The following SNX1 variants were observed in gnomAD, a reference collection of about 807,000 sequenced individuals.
The protein encoded by SNX1 is sorting nexin-1.
In SNX1, 36 loss-of-function variants were observed where a neutral mutation model predicts 71.8. That is an observed-to-expected ratio of 0.50 (90% CI 0.38 to 0.66). The LOEUF is 0.66. Ranked by LOEUF, SNX1 falls within the 30% of genes least tolerant of loss-of-function variation. SNX1 has a pLI of 0.00. For synonymous variants in SNX1, 254 were observed against 240.7 expected, an observed-to-expected ratio of 1.06 and a Z score of -0.51; for missense variants, 612 against 646.7, an observed-to-expected ratio of 0.95 and a Z score of 0.58.
chr15:64,099,191 G>A (rs1424859885), intron 1 of SNX1, among the ~76,000 whole-genome samples: 2 of 152,136 alleles, frequency 1.3e-5, no homozygotes, highest in Admixed American at 6.5e-5. Flanking sequence ...CTCTATGGCT[G>A]GCTAGCTTAT....
Position 64,127,204 on chromosome 15 carries a change from A to T in SNX1, c.683A>T (p.Asp228Val), listed in dbSNP as rs1555492288. The T allele has an allele frequency of 3.7e-6, 6 of 1,613,792 alleles. No individual in the cohort carries two copies. In the Admixed American group the frequency reaches 1.0e-4, roughly 27 times the overall value. Residue 228 changes from aspartate to valine, a missense_variant, in exon 7 of 15, where the codon GAT (aspartate) becomes GTT (valine). Around this residue, in one of 2 missense-constraint regions of SNX1, gnomAD observed 316 missense variants for 284.9 expected, o/e 1.11. Transcript: ENST00000559844. ...GMTKVKVGKE[D>V]SSSAEFLEKR... is the part of the protein sequence containing the mutation. ...ACAAAAGTGAAAGTTGGGAAGGAAG[A>T]TTCTTCTTCTGCAGAATTTCTTGAA...
chr15:64,097,045 GA>G (rs1278102469), intron 1 of SNX1, among the ~76,000 whole-genome samples: 1 of 152,362 alleles, frequency 6.6e-6, no homozygotes, highest in East Asian at 1.9e-4. Context: ...AGGGGCTCAA[GA>G]GCCCACTTAC....
chr15:64,122,677 G>A lies in SNX1; in HGVS notation c.467-826G>A, dbSNP rs77552665. Among the ~76,000 whole-genome samples the A allele has an allele frequency of 4.1e-3, 620 of 152,208 alleles. 6 individuals carry two copies. The highest frequency in any genetic ancestry group is 0.014 in the African/African-American group (582 of 41,524). The stretch of plus-strand genomic sequence containing the variant: ...TTTGATGTGGGAAGGAATCAAGGGT[G>A]GGGGAGGCAGGGAACAAAACCAACC... On this transcript the variant is annotated intron_variant, in intron 4 of 14. Transcript: ENST00000559844.
intron 2 of SNX1, among the ~76,000 whole-genome samples, chr15:64,113,114 G>T (rs988311678): frequency 6.6e-6 from 1 of 152,174 alleles, no homozygotes; most frequent in Non-Finnish European, 1.5e-5. Flanking sequence ...TAAATGACTT[G>T]CCCTTACTAC....
chr15:64,118,432 G>A (rs1301442366), intron 3 of SNX1, among the ~76,000 whole-genome samples, 188 bp downstream of exon 3: 1 of 152,218 alleles, frequency 6.6e-6, no homozygotes, highest in African/African-American at 2.4e-5. Context: ...TGCCCAGAGA[G>A]CACGAAGGCT....
At position 64,134,690 on chromosome 15, in the gene SNX1, A is replaced by T. The variant is rs762094662; in HGVS notation, c.1248A>T (p.Thr416=). The part of the protein sequence containing the change: ...VRAAFDQRMK[T]WQRWQDAQAT... ...CTGCCTTCGACCAGCGCATGAAGAC[A>T]TGGCAGCGCTGGCAGGATGCCCAAG... The change falls in exon 12 of 15, where the codon ACA becomes ACT. Residue 416 remains threonine (T), a synonymous_variant. Coordinates refer to ENST00000559844, the MANE Select transcript of SNX1 (RefSeq NM_003099.5). The surrounding 1 kb of genome is among the most constrained non-coding windows in gnomAD (Gnocchi z 4.1). 1.9e-6 allele frequency: 3 copies of T among 1,613,138 alleles called. No homozygotes were observed. The highest frequency in any genetic ancestry group is 1.7e-4 in the Middle Eastern group (1 of 5,736).
Position 64,138,290 on chromosome 15 carries a change from T to C in SNX1, c.*672T>C, listed in dbSNP as rs75113424. 6.0e-4 allele frequency: 747 copies of C among 1,238,562 alleles called. 10 individuals are homozygous for C. The African/African-American group carries it at 0.01, about 17-fold the overall frequency. 76.7% of individuals were successfully genotyped at this position (1,238,562 alleles called of 1,614,324 possible). A position where few individuals can be genotyped will look rare whatever the true frequency, so the allele number is the denominator to read the frequency against. ...GAGGAGCAAAATCTATTAAAACCTA[T>C]TCTCCTGCAAAGGAGGCAGAGACTT... is the stretch of plus-strand genomic sequence containing the variant. On this transcript the variant is annotated 3_prime_UTR_variant, in exon 15 of 15. Transcript: ENST00000559844.
intron 1 of SNX1, among the ~76,000 whole-genome samples, chr15:64,099,024 T>C (rs145308832): frequency 6.6e-6 from 1 of 152,204 alleles, no homozygotes; most frequent in Non-Finnish European, 1.5e-5. Flanking sequence ...TTAACTGTCT[T>C]GTTAAACAGC....
rs2081442682 is a variant in SNX1 at position 64,144,230 on chromosome 15, A to C, written c.*6612A>C. 2.6e-5 allele frequency: 4 copies of C among 152,262 alleles called. No homozygotes were observed. The highest frequency in any genetic ancestry group is 2.6e-4 in the Admixed American group (4 of 15,284). 9.4% of individuals were successfully genotyped at this position (152,262 alleles called of 1,614,324 possible). A position where few individuals can be genotyped will look rare whatever the true frequency, so the allele number is the denominator to read the frequency against. On this transcript the variant is annotated 3_prime_UTR_variant, in exon 15 of 15. Coordinates refer to ENST00000559844, the MANE Select transcript of SNX1 (RefSeq NM_003099.5). The surrounding 1 kb of genome is among the most constrained non-coding windows in gnomAD (Gnocchi z 4.3). Reference sequence around the variant, plus strand: ...AATAAAGCTATTTTCATTATGGGAAAACAATCCAGTGCATCCTTTGAGGCC... The same window carrying C: ...AATAAAGCTATTTTCATTATGGGAACACAATCCAGTGCATCCTTTGAGGCC...
chr15:64,096,510 G>A (rs139438365), intron 1 of SNX1, among the ~76,000 whole-genome samples: 3 of 152,250 alleles, frequency 2.0e-5, no homozygotes, highest in Non-Finnish European at 4.4e-5. Context: ...GGCAGATTCA[G>A]TAGGACGGAA....
chr15:64,123,976 G>A (rs1380053068), intron 5 of SNX1, among the ~76,000 whole-genome samples: 1 of 151,600 alleles, frequency 6.6e-6, no homozygotes, highest in Non-Finnish European at 1.5e-5. Flanking sequence ...TGTATACAAT[G>A]TTGTATACAA....
rs2081360755 is a variant in SNX1, at chr15:64,136,418, A to G, written c.1446+8A>G. On this transcript the variant is annotated splice_region_variant and intron_variant, in intron 13 of 14. Transcript: ENST00000559844. ...GAAGTGATACGGTTTGAGGTGAGAT[A>G]GAAAATCCTACTTCTCACTTAGCAT... is the stretch of plus-strand genomic sequence containing the variant. 1 of 1,609,842 alleles carries G rather than the reference A, an allele frequency of 6.2e-7. No individual in the cohort carries two copies. Among genetic ancestry groups the G allele is most frequent in the Non-Finnish European group, 8.5e-7 (1 of 1,176,066 alleles).
intron 12 of SNX1, chr15:64,135,026 A>G (rs2081343851): frequency 7.2e-6 from 4 of 559,072 alleles, no homozygotes; most frequent in Non-Finnish European, 1.2e-5. Flanking sequence ...TCAAATCAGA[A>G]TCTCTGGCCC....
chr15:64,127,706 C>A lies in SNX1; in HGVS notation c.732-25C>A, dbSNP rs1279787683. On this transcript the variant is annotated intron_variant, in intron 7 of 14. Coordinates refer to ENST00000559844, the MANE Select transcript of SNX1 (RefSeq NM_003099.5). ...ACCTTCTGAGGCCAGCTCAACTAAC[C>A]AGATGATAACTGCTTACCTTTTAGG... is the stretch of plus-strand genomic sequence containing the variant. 3 of 1,589,936 alleles carry A rather than the reference C, an allele frequency of 1.9e-6. No individual in the cohort carries two copies. In the Admixed American group the frequency reaches 5.0e-5, roughly 27 times the overall value.
chr15:64,137,371 C>G (rs1044869993), intron 14 of SNX1, among the ~76,000 whole-genome samples, 197 bp from the exon 15 acceptor site: 3 of 152,232 alleles, frequency 2.0e-5, no homozygotes, highest in Non-Finnish European at 2.9e-5. Flanking sequence ...TGCCCTTGCA[C>G]TTGGGGCTCA....
At position 64,127,354 on chromosome 15, in the gene SNX1, G is replaced by A. The variant is rs149565023; in HGVS notation, c.731+102G>A. ...CAGTCCATTGAGTTAGAGATGAAAC[G>A]TGAATAAATTGAAGTTGCACACCTC... is the stretch of plus-strand genomic sequence containing the variant. On this transcript the variant is annotated intron_variant, in intron 7 of 14. Coordinates refer to ENST00000559844, the MANE Select transcript of SNX1 (RefSeq NM_003099.5). 1.4e-4 allele frequency: 132 copies of A among 911,532 alleles called. No individual in the cohort carries two copies. In the African/African-American group the frequency reaches 1.9e-3, roughly 13 times the overall value. 56.5% of individuals were successfully genotyped at this position (911,532 alleles called of 1,614,324 possible). A position where few individuals can be genotyped will look rare whatever the true frequency, so the allele number is the denominator to read the frequency against.
In SNX1 at chr15:64,136,860, G is replaced by C; in HGVS notation, c.1447-1G>C. The C allele has an allele frequency of 6.2e-7, 1 of 1,612,944 alleles. No individual in the cohort carries two copies. Among genetic ancestry groups the C allele is most frequent in the Non-Finnish European group, 8.5e-7 (1 of 1,179,092 alleles). On this transcript the variant is annotated splice_acceptor_variant, in intron 13 of 14. Transcript: ENST00000559844. LOFTEE classifies it high-confidence loss of function. ...GGTCAGTGTAGAATCTTGTCTCCTA[G>C]AAAGAGAAATCCAAGGACTTCAAGA...
At chr15:64,128,668 C>G (rs1233075675) in intron 8 of SNX1, among the ~76,000 whole-genome samples, 1 of 152,156 alleles carries the variant, frequency 6.6e-6, no homozygotes. Context: ...TGCTTCAAAT[C>G]TTTTAGTCTT....
intron 1 of SNX1, among the ~76,000 whole-genome samples, chr15:64,111,789 G>T (rs1369698295): frequency 6.6e-6 from 1 of 152,188 alleles, no homozygotes; most frequent in African/African-American, 2.4e-5. Flanking sequence ...CAACACTGCA[G>T]TGCCATACCA....
Sources: allele counts gnomAD v4.1 joint callset (sites outside exome capture counted in the v4.1 genomes callset), GRCh38; gene constraint gnomAD v4.1.1; regional missense constraint gnomAD v4.1.1; non-coding constraint Gnocchi (gnomAD v3.1); transcripts MANE v1.5; gene names NCBI Gene and HGNC (gene_info 2026-07-23, HGNC 2026-07-21).